The following XIRP2 variants were observed in gnomAD, a reference collection of about 807,000 sequenced individuals.
XIRP2 encodes xin actin binding repeat containing 2.
In XIRP2, 236 loss-of-function variants were observed where a neutral mutation model predicts 277.0. The ratio of observed to expected loss-of-function variants is 0.85; its 90% CI spans 0.77 to 0.95. The LOEUF (loss-of-function observed/expected upper bound fraction) is 0.95, where lower values mean the gene tolerates loss of function less well. XIRP2 is among the 40% of genes least tolerant of loss of function. The pLI is 0.00. For synonymous variants in XIRP2, 1,490 were observed against 1,416.5 expected (o/e 1.05, Z -1.17); for missense variants, 4,640 against 4,157.5 (o/e 1.12, Z -3.19).
rs5836128 is a variant in XIRP2, at chr2:167,005,789, TAAA to T, written c.408+101910_408+101912del. ...ATAGCATGTAGAATCTCTTTATTGATAAAAAAAAAAAAATTACACAACTGGCTG... is the reference window on the plus strand; with the variant it reads ...ATAGCATGTAGAATCTCTTTATTGATAAAAAAAAAATTACACAACTGGCTG... On this transcript the variant is annotated intron_variant, in intron 2 of 10. Transcript: ENST00000409195. Among the ~76,000 whole-genome samples the T allele has an allele frequency of 1.0e-3, 151 of 147,352 alleles. 1 individual carries two copies. Among genetic ancestry groups the T allele is most frequent in the South Asian group, 5.5e-3 (26 of 4,698 alleles).
At chr2:167,091,680 C>A in intron 2 of XIRP2, among the ~76,000 whole-genome samples, 1 of 151,952 alleles carries the variant, frequency 6.6e-6, no homozygotes, top group East Asian at 1.9e-4. Flanking sequence ...ATCTTGTGGC[C>A]CTATAGCTTC....
rs895471561 is a variant in XIRP2 at position 166,971,557 on chromosome 2, G to GA, written c.408+67676dup. On this transcript the variant is annotated intron_variant, in intron 2 of 10. Transcript: ENST00000409195. ...GCTTGTGATTTATGAGCTCATAAAT[G>GA]AAAAAAAAATTATTTGCTAGGTATA... Among the ~76,000 whole-genome samples, 28 of 150,628 alleles carry GA rather than the reference G, an allele frequency of 1.9e-4. No individual in the cohort carries two copies. In the South Asian group the frequency reaches 2.7e-3, roughly 15 times the overall value.
chr2:167,113,457 G>C (rs985357974), intron 2 of XIRP2, among the ~76,000 whole-genome samples: 1 of 152,026 alleles, frequency 6.6e-6, no homozygotes, highest in Admixed American at 6.6e-5. Context: ...TCTGAAATTA[G>C]GATTGTAACC....
intron 2 of XIRP2, among the ~76,000 whole-genome samples, chr2:167,118,769 T>C (rs980450055): frequency 1.3e-5 from 2 of 152,160 alleles, no homozygotes; most frequent in African/African-American, 4.8e-5. Flanking sequence ...AGATAGCCTA[T>C]TACGGCACCA....
At chr2:166,974,070 C>G (rs1310827849) in intron 2 of XIRP2, among the ~76,000 whole-genome samples, 1 of 152,118 alleles carries the variant, frequency 6.6e-6, no homozygotes, top group Non-Finnish European at 1.5e-5. Flanking sequence ...TTGGAACAAA[C>G]AACTGTAGGC....
In XIRP2 at chr2:167,251,190, G is replaced by A. The variant is rs749398243; in HGVS notation, c.9798G>A (p.Glu3266=). The change falls in exon 9 of 11, where the codon GAG becomes GAA. Residue 3266 remains glutamate (E), a synonymous_variant. Coordinates refer to ENST00000409195, the MANE Select transcript of XIRP2 (RefSeq NM_152381.6). The part of the protein sequence containing the change: ...VDAQEEIRKV[E]KRATYVHKDG... ...CTCAAGAGGAAATCAGGAAAGTGGA[G>A]AAGAGAGCTACTTATGTTCATAAAG... 6.2e-7 allele frequency: 1 copy of A among 1,613,532 alleles called. No individual in the cohort carries two copies. The highest frequency in any genetic ancestry group is 1.7e-4 in the Middle Eastern group (1 of 6,058).
At chr2:167,233,367 A>G (rs944333782) in intron 5 of XIRP2, among the ~76,000 whole-genome samples, 2 of 151,974 alleles carry the variant, frequency 1.3e-5, no homozygotes, top group Admixed American at 1.3e-4. Context: ...ACAGGAGAGT[A>G]AGATGAATAG....
Position 166,907,662 on chromosome 2 carries a change from G to A in XIRP2, c.408+3772G>A, listed in dbSNP as rs1402988959. 2.7e-5 allele frequency among the ~76,000 whole-genome samples: 4 copies of A among 150,590 alleles called. No homozygotes were observed. In the South Asian group the frequency reaches 8.5e-4, roughly 32 times the overall value. The stretch of plus-strand genomic sequence containing the variant: ...AAGTTCTAGGGTACATGTGCACAAC[G>A]TGCAGGTTTGTTACATATGTATACA... On this transcript the variant is annotated intron_variant, in intron 2 of 10. Transcript: ENST00000409195.
At chr2:167,032,551 C>A in intron 2 of XIRP2, among the ~76,000 whole-genome samples, 1 of 152,070 alleles carries the variant, frequency 6.6e-6, no homozygotes, top group East Asian at 1.9e-4. Context: ...ATGTATCCAT[C>A]TGACAAAGGG....
At position 167,258,183 on chromosome 2, in the gene XIRP2, C is replaced by A. The variant is rs759673277; in HGVS notation, c.*366C>A. Reference sequence around the variant, plus strand: ...ATTTGGCCTCCTTCCAAGGAGATCCCTAAGAAAACCTTACCCTTTGAGGAA... The same window carrying A: ...ATTTGGCCTCCTTCCAAGGAGATCCATAAGAAAACCTTACCCTTTGAGGAA... On this transcript the variant is annotated 3_prime_UTR_variant, in exon 11 of 11. Coordinates refer to ENST00000409195, the MANE Select transcript of XIRP2 (RefSeq NM_152381.6). The A allele has an allele frequency of 1.2e-6, 2 of 1,612,906 alleles. No homozygotes were observed. Among genetic ancestry groups the A allele is most frequent in the Non-Finnish European group, 1.7e-6 (2 of 1,179,530 alleles).
At position 167,181,630 on chromosome 2, in the gene XIRP2, T is replaced by C. The variant is rs1251760596; in HGVS notation, c.563-29105T>C. On this transcript the variant is annotated intron_variant, in intron 3 of 10. Coordinates refer to ENST00000409195, the MANE Select transcript of XIRP2 (RefSeq NM_152381.6). The stretch of plus-strand genomic sequence containing the variant: ...GGAAGCTTCCTTATTATACCTTACC[T>C]TTTTTCCTCCAGAACAAATATCATT... 5.9e-5 allele frequency among the ~76,000 whole-genome samples: 9 copies of C among 152,272 alleles called. No individual in the cohort carries two copies. In the East Asian group the frequency reaches 1.7e-3, roughly 29 times the overall value.
intron 2 of XIRP2, among the ~76,000 whole-genome samples, chr2:166,965,987 CAT>C (rs755495493): frequency 1.6e-4 from 24 of 151,818 alleles, no homozygotes; most frequent in South Asian, 2.1e-4. Flanking sequence ...TTTATTTGCA[CAT>C]GTTTATTTTT....
Position 167,216,713 on chromosome 2 carries a change from A to G in XIRP2, c.724-1453A>G, listed in dbSNP as rs1182350188. 6.0e-4 allele frequency among the ~76,000 whole-genome samples: 39 copies of G among 65,340 alleles called. 2 individuals carry two copies. The Admixed American group carries it at 6.0e-3, about 10-fold the overall frequency. The allele number at this position is 65,340 out of a possible 152,430, so 42.9% of individuals were successfully genotyped here. ...CTGGAAACTAGTTCAACCATTGTGG[A>G]AGTCAGTGTGGCGATTCCTCAGGGA... On this transcript the variant is annotated intron_variant, in intron 4 of 10. Coordinates refer to ENST00000409195, the MANE Select transcript of XIRP2 (RefSeq NM_152381.6).
At chr2:166,935,927 C>T (rs4386336) in intron 2 of XIRP2, among the ~76,000 whole-genome samples, 47,678 of 151,984 alleles carry the variant, frequency 0.31, 8,006 homozygotes, top group East Asian at 0.53. Flanking sequence ...GGTATATACC[C>T]AGTAATGGGA....
At chr2:167,054,421 C>G (rs1256727791) in intron 2 of XIRP2, among the ~76,000 whole-genome samples, 1 of 152,132 alleles carries the variant, frequency 6.6e-6, no homozygotes, top group Non-Finnish European at 1.5e-5. Context: ...AGGTGGCTCA[C>G]GCCTGTAATC....
chr2:167,258,773 A>G lies in XIRP2; in HGVS notation c.*956A>G. The G allele has an allele frequency of 6.2e-7, 1 of 1,613,380 alleles. No individual in the cohort carries two copies. Among genetic ancestry groups the G allele is most frequent in the East Asian group, 2.2e-5 (1 of 44,824 alleles). ...ACCCTTGTCGAGTGAAGCAAATGAC[A>G]CTGCAAATGAATATGAAATTGAGAA... On this transcript the variant is annotated 3_prime_UTR_variant, in exon 11 of 11. Transcript: ENST00000409195.
At chr2:167,038,729 T>G (rs775698224) in intron 2 of XIRP2, among the ~76,000 whole-genome samples, 59 of 152,086 alleles carry the variant, frequency 3.9e-4, no homozygotes, top group Admixed American at 2.5e-3. Flanking sequence ...CTCAGTGACT[T>G]AAAGATAACT....
chr2:166,925,589 G>GTGTATATA (rs1553470448), intron 2 of XIRP2, among the ~76,000 whole-genome samples: 2 of 105,972 alleles, frequency 1.9e-5, no homozygotes, highest in South Asian at 3.0e-4. Flanking sequence ...GTGTGTATGT[G>GTGTATATA]TATATACATA....
chr2:167,007,519 G>C lies in XIRP2; in HGVS notation c.408+103629G>C, dbSNP rs927782674. Among the ~76,000 whole-genome samples, 5 of 151,690 alleles carry C rather than the reference G, an allele frequency of 3.3e-5. No homozygotes were observed. The East Asian group carries it at 9.7e-4, about 29-fold the overall frequency. ...AATTTGGGTAATAATATGTAGCAAA[G>C]TAGATTCATTGATTGCAGCAACTGT... On this transcript the variant is annotated intron_variant, in intron 2 of 10. Coordinates refer to ENST00000409195, the MANE Select transcript of XIRP2 (RefSeq NM_152381.6).
Sources: allele counts gnomAD v4.1 joint callset (sites outside exome capture counted in the v4.1 genomes callset), GRCh38; gene constraint gnomAD v4.1.1; transcripts MANE v1.5; gene names NCBI Gene and HGNC (gene_info 2026-07-23, HGNC 2026-07-21).